The following RAD9B variants were observed in gnomAD, a reference collection of about 807,000 sequenced individuals.
RAD9B encodes the protein cell cycle checkpoint control protein RAD9B.
RAD9B carries 41 observed loss-of-function variants against 48.3 expected under a neutral mutation model. The ratio of observed to expected loss-of-function variants is 0.85; its 90% CI spans 0.66 to 1.10. RAD9B has a LOEUF of 1.10. RAD9B is among the 50% of genes least tolerant of loss of function. RAD9B has a pLI of 0.00. For synonymous variants in RAD9B, 160 were observed against 157.9 expected (o/e 1.01, Z -0.10); for missense variants, 444 against 485.1 (o/e 0.92, Z 0.80).
intron 3 of RAD9B, 122 bp from the exon 4 acceptor site, chr12:110,506,457 G>A (rs536961470): frequency 1.7e-6 from 1 of 575,394 alleles, no homozygotes; most frequent in Admixed American, 2.9e-5. Flanking sequence ...CAAAGTGCTG[G>A]GATTACAGGC....
Position 110,502,335 on chromosome 12 carries a change from C to T in RAD9B, c.-3C>T, listed in dbSNP as rs1396259836. On this transcript the variant is annotated 5_prime_UTR_variant, in exon 1 of 11. Coordinates refer to ENST00000409300, the MANE Select transcript of RAD9B (RefSeq NM_001286535.2). ...CGCCTTCCGAGCCTGCTTTTTAGGG[C>T]GGATGGCAGCCATGCTGAAGTGCGT... is the stretch of plus-strand genomic sequence containing the variant. 3 of 1,613,026 alleles carry T rather than the reference C, an allele frequency of 1.9e-6. No homozygotes were observed. The highest frequency in any genetic ancestry group is 1.3e-5 in the African/African-American group (1 of 74,918).
At chr12:110,527,286 C>A (rs926780369) in intron 10 of RAD9B, among the ~76,000 whole-genome samples, 6 of 152,188 alleles carry the variant, frequency 3.9e-5, no homozygotes, top group African/African-American at 1.2e-4. Context: ...CTATGGATCG[C>A]TGTGATTACA....
In RAD9B at chr12:110,529,144, G is replaced by C. The variant is rs373403562; in HGVS notation, c.1126-1381G>C. On this transcript the variant is annotated intron_variant, in intron 10 of 10. Transcript: ENST00000409300. ...TGAAGGGGGAAATGGGATGAGGTTAGGCTATTTGTTTGTTTGTTTAGAGAT... is the reference window on the plus strand; with the variant it reads ...TGAAGGGGGAAATGGGATGAGGTTACGCTATTTGTTTGTTTGTTTAGAGAT... Among the ~76,000 whole-genome samples the C allele has an allele frequency of 2.1e-4, 32 of 151,876 alleles. 1 individual carries two copies. In the South Asian group the frequency reaches 6.3e-3, roughly 30 times the overall value.
At chr12:110,516,518 A>T (rs1185833257) in intron 6 of RAD9B, among the ~76,000 whole-genome samples, 1 of 152,174 alleles carries the variant, frequency 6.6e-6, no homozygotes, top group Non-Finnish European at 1.5e-5. Context: ...TCCTTTAAAA[A>T]ATATATCATT....
At chr12:110,504,959 T>G (rs757673764) in intron 2 of RAD9B, among the ~76,000 whole-genome samples, 8 of 152,058 alleles carry the variant, frequency 5.3e-5, no homozygotes, top group Admixed American at 6.6e-5. Context: ...TGAGCTGCGG[T>G]GGTACCATTG....
chr12:110,507,812 G>A (rs140267291), intron 4 of RAD9B, among the ~76,000 whole-genome samples: 4,589 of 151,038 alleles, frequency 0.03, 107 homozygotes, highest in Admixed American at 0.059. Context: ...CACCATGCCC[G>A]GCTAATTTTG....
chr12:110,502,363 T>TGAGCGGCAGTCAGGTGAAAGGTG lies in RAD9B; in HGVS notation c.34_46+10dup. On this transcript the variant is annotated frameshift_variant, in exon 1 of 11. Transcript: ENST00000409300. LOFTEE classifies it high-confidence loss of function. ...ATGGCAGCCATGCTGAAGTGCGTGA[T>TGAGCGGCAGTCAGGTGAAAGGTG]GAGCGGCAGTCAGGTGAAAGGTGGA... is the stretch of plus-strand genomic sequence containing the variant. 6.2e-7 allele frequency: 1 copy of TGAGCGGCAGTCAGGTGAAAGGTG among 1,613,846 alleles called. No homozygotes were observed. Among genetic ancestry groups the TGAGCGGCAGTCAGGTGAAAGGTG allele is most frequent in the South Asian group, 1.1e-5 (1 of 91,010 alleles).
chr12:110,512,080 CA>C (rs2063477180), intron 4 of RAD9B, among the ~76,000 whole-genome samples: 3 of 151,576 alleles, frequency 2.0e-5, no homozygotes, highest in Admixed American at 2.0e-4. Context: ...CTCCTGACCT[CA>C]TGATCCGCCC....
intron 2 of RAD9B, among the ~76,000 whole-genome samples, chr12:110,504,468 G>A (rs1289601863): frequency 7.3e-6 from 1 of 137,540 alleles, no homozygotes; most frequent in Non-Finnish European, 1.5e-5. Flanking sequence ...GTGAGAGTGA[G>A]ACTCCGTCCC....
At position 110,503,434 on chromosome 12, in the gene RAD9B, T is replaced by C. The variant is rs140786744; in HGVS notation, c.47-372T>C. ...TTGGCTATCAAGCTATTAAAACCAC[T>C]TCAGATTATCTTCTCCATGCACTGT... On this transcript the variant is annotated intron_variant, in intron 1 of 10. Transcript: ENST00000409300. 16 of 187,690 alleles carry C rather than the reference T, an allele frequency of 8.5e-5. No individual in the cohort carries two copies. The East Asian group carries it at 1.8e-3, about 21-fold the overall frequency. The allele number at this position is 187,690 out of a possible 1,614,324, so 11.6% of individuals were successfully genotyped here.
rs187609043 is a variant in RAD9B, at chr12:110,532,790, T to C, written c.*2137T>C. Among the ~76,000 whole-genome samples the C allele has an allele frequency of 2.4e-4, 36 of 152,318 alleles. No homozygotes were observed. Among genetic ancestry groups the C allele is most frequent in the Non-Finnish European group, 1.2e-4 (8 of 68,026 alleles). ...GTTGTGTTACAACTGCCTACAGTAT[T>C]CAGTACAGTAACATGTTATACAGGT... On this transcript the variant is annotated 3_prime_UTR_variant, in exon 11 of 11. Transcript: ENST00000409300.
intron 4 of RAD9B, among the ~76,000 whole-genome samples, chr12:110,508,430 T>C (rs1011800178): frequency 2.0e-5 from 3 of 152,208 alleles, no homozygotes; most frequent in Non-Finnish European, 2.9e-5. Flanking sequence ...AGTAGCTTAC[T>C]TGAGTCATGT....
Position 110,533,369 on chromosome 12 carries a change from C to G in RAD9B, c.*2716C>G, listed in dbSNP as rs2064183569. On this transcript the variant is annotated 3_prime_UTR_variant, in exon 11 of 11. Coordinates refer to ENST00000409300, the MANE Select transcript of RAD9B (RefSeq NM_001286535.2). Reference sequence around the variant, plus strand: ...GGTAATTGCCTCTTGGGTAATAAGACAAATAATGATAGTCTCAACAGAAAA... The same window carrying G: ...GGTAATTGCCTCTTGGGTAATAAGAGAAATAATGATAGTCTCAACAGAAAA... 6.6e-6 allele frequency: 1 copy of G among 152,106 alleles called. No individual in the cohort carries two copies. The highest frequency in any genetic ancestry group is 6.5e-5 in the Admixed American group (1 of 15,278). The allele number at this position is 152,106 out of a possible 1,614,324, so 9.4% of individuals were successfully genotyped here.
Position 110,531,969 on chromosome 12 carries a change from C to T in RAD9B, c.*1316C>T. On this transcript the variant is annotated 3_prime_UTR_variant, in exon 11 of 11. Transcript: ENST00000409300. ...TCATAAAGGTGGCTGAGTGGATTTGCATGCTTTAGAACTGTGAATAGAGTT... is the reference window on the plus strand; with the variant it reads ...TCATAAAGGTGGCTGAGTGGATTTGTATGCTTTAGAACTGTGAATAGAGTT... 1.1e-5 allele frequency: 3 copies of T among 271,336 alleles called. No individual in the cohort carries two copies. The South Asian group carries it at 1.4e-4, about 13-fold the overall frequency. 16.8% of individuals were successfully genotyped at this position (271,336 alleles called of 1,614,324 possible).
intron 1 of RAD9B, chr12:110,502,730 C>T (rs896243091): frequency 4.9e-6 from 1 of 202,284 alleles, no homozygotes; most frequent in Non-Finnish European, 9.9e-6. Context: ...ACAGCATTAA[C>T]CTGGTTTTTT....
intron 9 of RAD9B, among the ~76,000 whole-genome samples, chr12:110,520,885 G>A (rs978534501): frequency 2.0e-4 from 30 of 151,768 alleles, no homozygotes; most frequent in African/African-American, 7.3e-4. Context: ...TCCTGACCTT[G>A]TGATCTGCCC....
At position 110,514,702 on chromosome 12, in the gene RAD9B, C is replaced by G. The variant is rs11065657; in HGVS notation, c.489-348C>G. On this transcript the variant is annotated intron_variant, in intron 5 of 10. Transcript: ENST00000409300. Reference sequence around the variant, plus strand: ...AGTTGTTTTTGAACAGCTTCACTTTCCAGTATCTCCCTTTACAGTATGATC... The same window carrying G: ...AGTTGTTTTTGAACAGCTTCACTTTGCAGTATCTCCCTTTACAGTATGATC... Among the ~76,000 whole-genome samples the G allele has an allele frequency of 4.4e-3, 666 of 152,268 alleles. 43 individuals are homozygous for G. The East Asian group carries it at 0.12, about 28-fold the overall frequency.
At position 110,518,705 on chromosome 12, in the gene RAD9B, T is replaced by C. The variant is rs1018668144; in HGVS notation, c.625T>C (p.Phe209Leu). Residue 209 changes from phenylalanine to leucine, a missense_variant, in exon 7 of 11, where the codon TTT becomes CTT. By Grantham distance (22) the Phe-to-Leu change is conservative (BLOSUM62 0). Coordinates refer to ENST00000409300, the MANE Select transcript of RAD9B (RefSeq NM_001286535.2). ...DLSNAVHSEM[F>L]VGSDEFDFFQ... ...GAGCAATGCTGTACACAGTGAGATG[T>C]TTGTTGGCTCAGATGAGTTTGACTT... is the stretch of plus-strand genomic sequence containing the variant. 1 of 1,609,916 alleles carries C rather than the reference T, an allele frequency of 6.2e-7. No homozygotes were observed. The highest frequency in any genetic ancestry group is 8.5e-7 in the Non-Finnish European group (1 of 1,177,184).
chr12:110,523,407 A>G (rs2063842940), intron 10 of RAD9B, among the ~76,000 whole-genome samples: 1 of 152,196 alleles, frequency 6.6e-6, no homozygotes, highest in South Asian at 2.1e-4. Flanking sequence ...AGCCTGGGCA[A>G]CAGAGTGAGA....
Sources: gnomAD v4.1 joint callset for allele counts (sites outside exome capture counted in the v4.1 genomes callset) on GRCh38, gnomAD v4.1.1 for gene constraint, MANE v1.5 for transcripts, NCBI Gene and HGNC (gene_info 2026-07-23, HGNC 2026-07-21) for gene names.